Variants in CFAP210 observed in about 807,000 individuals in gnomAD.
CFAP210 encodes cilia- and flagella- associated protein 210.
the CFAP210 span, among the ~76,000 whole-genome samples, chr2:169,691,514 C>G: frequency 6.6e-6 from 1 of 152,034 alleles, no homozygotes; most frequent in East Asian, 1.9e-4. Flanking sequence ...CTGTAGACAT[C>G]CTCCCCGCCA....
At chr2:169,653,202 A>G in the CFAP210 span, among the ~76,000 whole-genome samples, 7 of 151,106 alleles carry the variant, frequency 4.6e-5, no homozygotes, top group East Asian at 9.7e-4. Context: ...GAAAGCCTCA[A>G]TGAGAAGGTA....
chr2:169,688,462 T>G, the CFAP210 span, among the ~76,000 whole-genome samples: 3 of 152,224 alleles, frequency 2.0e-5, no homozygotes, highest in Non-Finnish European at 4.4e-5. Context: ...TTCTGAATTT[T>G]TATGCTCTGT....
At chr2:169,653,050 A>ATATATATATATATG in the CFAP210 span, among the ~76,000 whole-genome samples, 3 of 102,416 alleles carry the variant, frequency 2.9e-5, no homozygotes, top group African/African-American at 1.1e-4. Flanking sequence ...ATATATATAT[A>ATATATATATATATG]TATATATATA....
the CFAP210 span, among the ~76,000 whole-genome samples, chr2:169,681,839 G>A: frequency 6.6e-6 from 1 of 152,182 alleles, no homozygotes; most frequent in Non-Finnish European, 1.5e-5. Flanking sequence ...TTCTGGGAGA[G>A]ACATCCAAAA....
the CFAP210 span, among the ~76,000 whole-genome samples, chr2:169,667,809 A>G: frequency 1.3e-5 from 2 of 152,102 alleles, no homozygotes; most frequent in Admixed American, 6.5e-5. Flanking sequence ...AACACGTGTG[A>G]TGTCATCTTA....
the CFAP210 span, among the ~76,000 whole-genome samples, chr2:169,667,142 CTT>C: frequency 8.3e-4 from 48 of 57,912 alleles, no homozygotes; most frequent in Admixed American, 9.4e-4. Context: ...TTTCTTTTTT[CTT>C]TTTTTTTTTT....
At chr2:169,694,166 A>G in the CFAP210 span, 1 of 1,210,552 alleles carries the variant, frequency 8.3e-7, no homozygotes. Context: ...CCATTTCAAA[A>G]GGCAACTGAA....
the CFAP210 span, among the ~76,000 whole-genome samples, chr2:169,682,433 A>C: frequency 6.6e-6 from 1 of 152,238 alleles, no homozygotes; most frequent in African/African-American, 2.4e-5. Flanking sequence ...GAATACTTGA[A>C]TCTTCGCCAC....
At chr2:169,661,380 T>C in the CFAP210 span, 67 of 384,850 alleles carry the variant, frequency 1.7e-4, 2 homozygotes, top group South Asian at 9.6e-4. Context: ...AATTCTATCC[T>C]TATCCTTTTA....
the CFAP210 span, among the ~76,000 whole-genome samples, chr2:169,679,680 CA>C: frequency 0.012 from 701 of 57,424 alleles, 3 homozygotes; most frequent in African/African-American, 0.045. Flanking sequence ...GACTCCATCT[CA>C]AAAAAAAAAA....
the CFAP210 span, chr2:169,662,451 T>A: frequency 1.2e-5 from 18 of 1,559,580 alleles, no homozygotes; most frequent in African/African-American, 2.1e-4. Context: ...AGCAAAAACA[T>A]AATTATAATT....
At chr2:169,685,349 A>G in the CFAP210 span, among the ~76,000 whole-genome samples, 3 of 152,202 alleles carry the variant, frequency 2.0e-5, no homozygotes, top group Non-Finnish European at 4.4e-5. Context: ...TTGTATTTCT[A>G]TAATAGCTAA....
At chr2:169,692,442 A>ATG in the CFAP210 span, among the ~76,000 whole-genome samples, 4 of 106,938 alleles carry the variant, frequency 3.7e-5, no homozygotes, top group African/African-American at 1.2e-4. Flanking sequence ...CAACAGGCGC[A>ATG]CGCACACACA....
the CFAP210 span, chr2:169,681,003 T>G: frequency 1.9e-6 from 3 of 1,603,448 alleles, no homozygotes; most frequent in Non-Finnish European, 2.6e-6. Context: ...TGGTTAATAC[T>G]TACTGCATAT....
the CFAP210 span, among the ~76,000 whole-genome samples, chr2:169,693,936 CAG>C: frequency 6.6e-6 from 1 of 151,122 alleles, no homozygotes; most frequent in African/African-American, 2.4e-5. Context: ...TAACAAAACC[CAG>C]ACTCTCAGAG....
At chr2:169,679,680 CAAAAAAAAAAA>C in the CFAP210 span, among the ~76,000 whole-genome samples, 3 of 57,494 alleles carry the variant, frequency 5.2e-5, no homozygotes, top group African/African-American at 2.1e-4. Flanking sequence ...GACTCCATCT[CAAAAAAAAAAA>C]AAAAAAAAAA....
the CFAP210 span, chr2:169,662,235 C>G: frequency 6.4e-7 from 1 of 1,574,138 alleles, no homozygotes; most frequent in South Asian, 1.2e-5. Context: ...AAAAGTTGGG[C>G]ATTTGACTTT....
the CFAP210 span, chr2:169,650,354 G>A: frequency 4.4e-6 from 7 of 1,593,606 alleles, no homozygotes; most frequent in Non-Finnish European, 6.0e-6. Context: ...TTCTGCAATT[G>A]TTTTTAATTC....
chr2:169,656,108 C>T, the CFAP210 span, among the ~76,000 whole-genome samples: 3 of 151,972 alleles, frequency 2.0e-5, no homozygotes, highest in African/African-American at 7.2e-5. Flanking sequence ...GGGCAACATA[C>T]CAGAACCATC....
Sources: allele counts gnomAD v4.1 joint callset (sites outside exome capture counted in the v4.1 genomes callset), GRCh38; gene constraint gnomAD v4.1.1; transcripts MANE v1.5; gene names NCBI Gene and HGNC (gene_info 2026-07-23, HGNC 2026-07-21).